RGL1: variants seen among roughly 807,000 people sequenced by gnomAD.
RGL1 encodes ral guanine nucleotide dissociation stimulator-like 1.
In RGL1, 24 loss-of-function variants were observed where a neutral mutation model predicts 95.2. That is an observed-to-expected ratio of 0.25 (90% CI 0.18 to 0.35). The LOEUF (loss-of-function observed/expected upper bound fraction) is 0.35, where lower values mean the gene tolerates loss of function less well. RGL1 is among the 10% of genes least tolerant of loss of function. The pLI, the probability that RGL1 is intolerant of heterozygous loss-of-function variation, is 1.00. For missense variants in RGL1, 715 were observed against 936.3 expected (o/e 0.76, Z 3.08); for synonymous variants, 329 against 344.9 (o/e 0.95, Z 0.51).
chr1:183,740,086 T>C (rs1416319756), intron 1 of RGL1, among the ~76,000 whole-genome samples: 1 of 152,240 alleles, frequency 6.6e-6, no homozygotes, highest in Admixed American at 6.5e-5. Context: ...TTTACAGTAT[T>C]ATCTCCAATA....
intron 12 of RGL1, 145 bp from the exon 13 acceptor site, chr1:183,904,705 G>A (rs112928159): frequency 1.3e-6 from 1 of 781,252 alleles, no homozygotes; most frequent in Non-Finnish European, 1.9e-6. Context: ...TTATTTTTAA[G>A]GAAGCAGTAT....
chr1:183,647,762 C>G, intron 1 of RGL1: 1 of 1,614,178 alleles, frequency 6.2e-7, no homozygotes, highest in Non-Finnish European at 8.5e-7. Context: ...TCTCCACTGA[C>G]CTTCCAGTGG....
intron 1 of RGL1, among the ~76,000 whole-genome samples, chr1:183,725,942 T>TTGATATGATG (rs909249798): frequency 1.3e-5 from 2 of 152,156 alleles, no homozygotes; most frequent in African/African-American, 4.8e-5. Context: ...TTTAAAAGGA[T>TTGATATGATG]TGATATGATA....
chr1:183,921,382 C>G (rs1200957221), intron 16 of RGL1, among the ~76,000 whole-genome samples: 2 of 152,204 alleles, frequency 1.3e-5, no homozygotes, highest in Non-Finnish European at 2.9e-5. Flanking sequence ...TGCCAGATTC[C>G]CTGTGCCCTT....
At chr1:183,654,629 A>G (rs185144202) in intron 1 of RGL1, among the ~76,000 whole-genome samples, 13 of 152,336 alleles carry the variant, frequency 8.5e-5, no homozygotes, top group Non-Finnish European at 1.8e-4. Context: ...GGAGGAAAAG[A>G]CAAAAAATAT....
chr1:183,903,419 C>T (rs1032791304), intron 12 of RGL1, among the ~76,000 whole-genome samples: 7 of 152,074 alleles, frequency 4.6e-5, no homozygotes, highest in African/African-American at 1.4e-4. Context: ...CTGTGATTTT[C>T]ATATTCAAAT....
intron 1 of RGL1, among the ~76,000 whole-genome samples, chr1:183,685,634 A>G (rs1653531052): frequency 6.6e-6 from 1 of 152,206 alleles, no homozygotes; most frequent in Non-Finnish European, 1.5e-5. Context: ...GTGTAATAAA[A>G]CCTAGTATTA....
intron 14 of RGL1, among the ~76,000 whole-genome samples, chr1:183,910,408 T>C (rs1668578649): frequency 6.6e-6 from 1 of 152,222 alleles, no homozygotes. Flanking sequence ...CCTGTTGATT[T>C]TAAGAATTTC....
intron 2 of RGL1, among the ~76,000 whole-genome samples, chr1:183,839,683 G>C (rs1663904775): frequency 6.6e-6 from 1 of 152,130 alleles, no homozygotes; most frequent in Non-Finnish European, 1.5e-5. Context: ...ATTTCAACAG[G>C]ACACAGAGTC....
chr1:183,655,927 T>C (rs1019520636), intron 1 of RGL1, among the ~76,000 whole-genome samples: 1 of 152,172 alleles, frequency 6.6e-6, no homozygotes, highest in Non-Finnish European at 1.5e-5. Flanking sequence ...AAAGGACCAA[T>C]TGACATTTCC....
intron 1 of RGL1, among the ~76,000 whole-genome samples, chr1:183,710,503 G>C (rs1455951985): frequency 6.6e-6 from 1 of 152,124 alleles, no homozygotes; most frequent in Non-Finnish European, 1.5e-5. Flanking sequence ...GTGTTTCCCA[G>C]GTGTATTAGT....
At chr1:183,779,561 T>C (rs1659790774) in intron 2 of RGL1, among the ~76,000 whole-genome samples, 1 of 152,152 alleles carries the variant, frequency 6.6e-6, no homozygotes, top group South Asian at 2.1e-4. Flanking sequence ...AAATTTCTTT[T>C]TATTATCTTG....
At chr1:183,771,246 C>G (rs943690205) in intron 2 of RGL1, among the ~76,000 whole-genome samples, 1 of 151,046 alleles carries the variant, frequency 6.6e-6, no homozygotes, top group East Asian at 1.9e-4. Flanking sequence ...ATGAACATTT[C>G]TTTACATTTT....
intron 14 of RGL1, among the ~76,000 whole-genome samples, chr1:183,907,350 G>A (rs979364236): frequency 6.6e-6 from 1 of 152,014 alleles, no homozygotes; most frequent in Non-Finnish European, 1.5e-5. Flanking sequence ...ACTGTCTTCT[G>A]GCTGCCCCTT....
chr1:183,920,613 C>T (rs1272812169), intron 16 of RGL1, among the ~76,000 whole-genome samples: 1 of 152,226 alleles, frequency 6.6e-6, no homozygotes, highest in Non-Finnish European at 1.5e-5. Context: ...ATGACTTACC[C>T]ACCTTAGCCT....
intron 4 of RGL1, among the ~76,000 whole-genome samples, chr1:183,874,460 C>T (rs1337333620): frequency 6.6e-6 from 1 of 152,040 alleles, no homozygotes; most frequent in Non-Finnish European, 1.5e-5. Flanking sequence ...TACTGTCTTT[C>T]TGTATGTCTT....
At chr1:183,875,510 C>A (rs1401336253) in intron 4 of RGL1, among the ~76,000 whole-genome samples, 1 of 152,126 alleles carries the variant, frequency 6.6e-6, no homozygotes, top group Non-Finnish European at 1.5e-5. Flanking sequence ...TTTCTTTTAT[C>A]TCTCAGCCAA....
At chr1:183,835,686 A>G (rs948159119) in intron 2 of RGL1, among the ~76,000 whole-genome samples, 1 of 152,226 alleles carries the variant, frequency 6.6e-6, no homozygotes, top group African/African-American at 2.4e-5. Context: ...GGTAAGAAGG[A>G]TAATACCAGA....
At chr1:183,806,329 A>C (rs1413495119) in intron 1 of RGL1, 46 bp from the exon 2 acceptor site, 1 of 1,484,750 alleles carries the variant, frequency 6.7e-7, no homozygotes, top group Non-Finnish European at 9.4e-7. Flanking sequence ...GTTAGCAGAG[A>C]GGAAAAAAAT....
Sources: allele counts gnomAD v4.1 joint callset (sites outside exome capture counted in the v4.1 genomes callset), GRCh38; gene constraint gnomAD v4.1.1; transcripts MANE v1.5; gene names NCBI Gene and HGNC (gene_info 2026-07-23, HGNC 2026-07-21).